The following SIM2 variants were observed in gnomAD, a reference collection of about 807,000 sequenced individuals.
SIM2 encodes the protein SIM bHLH transcription factor 2.
A neutral mutation model predicts 64.8 loss-of-function variants in SIM2; 28 were observed. The observed-to-expected ratio is 0.43, with a 90% CI of 0.32 to 0.59. SIM2 has a LOEUF of 0.59. Among genes scored for constraint, SIM2 ranks in the 20% least tolerant of loss-of-function variants. The pLI is 0.07. For missense variants in SIM2, 847 were observed against 871.4 expected, an observed-to-expected ratio of 0.97 and a Z score of 0.35; for synonymous variants, 408 against 391.1, an observed-to-expected ratio of 1.04 and a Z score of -0.51.
chr21:36,708,676 G>A (rs867500797), intron 1 of SIM2, among the ~76,000 whole-genome samples: 2 of 152,208 alleles, frequency 1.3e-5, no homozygotes, highest in African/African-American at 4.8e-5. Flanking sequence ...CCTGGGCGGC[G>A]GGGACTTTCT....
intron 6 of SIM2, among the ~76,000 whole-genome samples, chr21:36,728,801 A>G (rs2088928128): frequency 6.6e-6 from 1 of 152,226 alleles, no homozygotes; most frequent in South Asian, 2.1e-4. Context: ...AAGCCAGACG[A>G]GGGCTTTGCC....
At chr21:36,732,425 G>A (rs1320657054) in intron 7 of SIM2, among the ~76,000 whole-genome samples, 2 of 152,208 alleles carry the variant, frequency 1.3e-5, no homozygotes, top group African/African-American at 4.8e-5. Flanking sequence ...AGTGGGAGGG[G>A]GACGGCAGGC....
At position 36,747,681 on chromosome 21, in the gene SIM2, G is replaced by A. The variant is rs1460693567; in HGVS notation, c.1593G>A (p.Val531=). Residue 531 remains valine, a synonymous_variant, in exon 11 of 11, where the codon GTG becomes GTA. Transcript: ENST00000290399. This position sits in a 1 kb window ranked among gnomAD's most constrained non-coding sequence, Gnocchi z 4.5. Reference sequence around the variant, plus strand: ...TCCCCGCAGCGCCCGCCGCCGCCGTGCGCAGGTTCGGCGAGGACACCGCGC... The same window carrying A: ...TCCCCGCAGCGCCCGCCGCCGCCGTACGCAGGTTCGGCGAGGACACCGCGC... The part of the protein sequence containing the change: ...VPSYEAPAAA[V]RRFGEDTAPP... 3.2e-6 allele frequency: 4 copies of A among 1,269,800 alleles called. No homozygotes were observed. In the East Asian group the frequency reaches 1.0e-4, roughly 32 times the overall value. 78.7% of individuals were successfully genotyped at this position (1,269,800 alleles called of 1,614,324 possible).
At chr21:36,730,672 G>A (rs1021995236) in intron 6 of SIM2, among the ~76,000 whole-genome samples, 7 of 152,160 alleles carry the variant, frequency 4.6e-5, no homozygotes, top group East Asian at 3.8e-4. Flanking sequence ...ACACAGGACC[G>A]TCCCCCCGAA....
rs1486029361 is a variant in SIM2 at position 36,749,474 on chromosome 21, C to G, written c.*1382C>G. 1 of 147,692 alleles carries G rather than the reference C, an allele frequency of 6.8e-6. No individual in the cohort carries two copies. Among genetic ancestry groups the G allele is most frequent in the African/African-American group, 2.5e-5 (1 of 39,578 alleles). The allele number at this position is 147,692 out of a possible 1,614,324, so 9.1% of individuals were successfully genotyped here. ...TTTTTTTTTTTTTTTTTTGCCAACC[C>G]TGTGTCACTTAGTGAGGACCTGACA... On this transcript the variant is annotated 3_prime_UTR_variant, in exon 11 of 11. Transcript: ENST00000290399.
At chr21:36,704,865 A>G (rs1009618307) in intron 1 of SIM2, among the ~76,000 whole-genome samples, 1 of 152,124 alleles carries the variant, frequency 6.6e-6, no homozygotes, top group African/African-American at 2.4e-5. Context: ...CCCGGTCCCC[A>G]GTTTGGAAAA....
chr21:36,719,961 A>G (rs2088802139), intron 4 of SIM2, 32 bp downstream of exon 4: 2 of 1,395,934 alleles, frequency 1.4e-6, no homozygotes, highest in South Asian at 2.3e-5. Context: ...AAAAAAACAG[A>G]CTAAAAGCAA....
chr21:36,732,179 A>G (rs1473614641), intron 7 of SIM2, among the ~76,000 whole-genome samples: 1 of 152,232 alleles, frequency 6.6e-6, no homozygotes, highest in African/African-American at 2.4e-5. Context: ...CACCGCACCC[A>G]GCCACACACT....
Position 36,747,359 on chromosome 21 carries a change from A to C in SIM2, c.1577-306A>C, listed in dbSNP as rs1027535470. ...TCTCAGGACCAAAAAAAAAAAAAAGAAAATATCCCAATAATTGTTTCACAC... is the reference window on the plus strand; with the variant it reads ...TCTCAGGACCAAAAAAAAAAAAAAGCAAATATCCCAATAATTGTTTCACAC... On this transcript the variant is annotated intron_variant, in intron 10 of 10. Transcript: ENST00000290399. The surrounding 1 kb of genome is among the most constrained non-coding windows in gnomAD (Gnocchi z 4.5). 6.6e-6 allele frequency among the ~76,000 whole-genome samples: 1 copy of C among 151,974 alleles called. No individual in the cohort carries two copies. Among genetic ancestry groups the C allele is most frequent in the South Asian group, 2.1e-4 (1 of 4,814 alleles).
intron 1 of SIM2, 125 bp downstream of exon 1, chr21:36,700,046 G>A: frequency 1.9e-6 from 2 of 1,033,246 alleles, no homozygotes; most frequent in South Asian, 3.2e-5. Flanking sequence ...GGGCGTCTGA[G>A]GGAGGTTGCG....
rs775230546 is a variant in SIM2 at position 36,726,079 on chromosome 21, C to T, written c.544-40C>T. The stretch of plus-strand genomic sequence containing the variant: ...CAGGAGGAGTGGGCTCCAGCCCAAC[C>T]CCAGTGGCCAGTGGCTGACCCTGCC... On this transcript the variant is annotated intron_variant, in intron 5 of 10. Coordinates refer to ENST00000290399, the MANE Select transcript of SIM2 (RefSeq NM_005069.6). The surrounding 1 kb of genome is among the most constrained non-coding windows in gnomAD (Gnocchi z 4.5). 6 of 1,565,248 alleles carry T rather than the reference C, an allele frequency of 3.8e-6. No individual in the cohort carries two copies. The highest frequency in any genetic ancestry group is 5.3e-6 in the Non-Finnish European group (6 of 1,140,386).
At position 36,723,697 on chromosome 21, in the gene SIM2, C is replaced by T. The variant is rs763240883; in HGVS notation, c.543+567C>T. Reference sequence around the variant, plus strand: ...TTCTAGTCAAGGACCAGAGGAGGGACGGCAGAAGGGGCTTGGTGGCGGAGC... The same window carrying T: ...TTCTAGTCAAGGACCAGAGGAGGGATGGCAGAAGGGGCTTGGTGGCGGAGC... On this transcript the variant is annotated intron_variant, in intron 5 of 10. Transcript: ENST00000290399. Among the ~76,000 whole-genome samples the T allele has an allele frequency of 7.7e-4, 118 of 152,322 alleles. 1 individual carries two copies. Among genetic ancestry groups the T allele is most frequent in the Non-Finnish European group, 1.5e-3 (103 of 68,038 alleles).
At chr21:36,744,446 GAA>G (rs1305083991) in intron 9 of SIM2, among the ~76,000 whole-genome samples, 1 of 145,558 alleles carries the variant, frequency 6.9e-6, no homozygotes, top group Admixed American at 6.9e-5. Context: ...AACAAAGAAA[GAA>G]AGAGAAAGAA....
Position 36,741,646 on chromosome 21 carries a change from C to T in SIM2, c.851-71C>T, listed in dbSNP as rs913953064. ...AGAGGTGTCCTTGGGACAGAGGTCA[C>T]CGTTGGGGGCAGCATCCCAGAGGTG... On this transcript the variant is annotated intron_variant, in intron 7 of 10. Coordinates refer to ENST00000290399, the MANE Select transcript of SIM2 (RefSeq NM_005069.6). The T allele has an allele frequency of 3.8e-5, 60 of 1,562,194 alleles. No individual in the cohort carries two copies. The Admixed American group carries it at 4.6e-4, about 12-fold the overall frequency.
intron 7 of SIM2, among the ~76,000 whole-genome samples, chr21:36,740,298 G>T (rs2089144900): frequency 6.6e-6 from 1 of 152,114 alleles, no homozygotes. Flanking sequence ...GGACTCTGTG[G>T]ATGTGCCTAT....
At chr21:36,714,365 T>C (rs553231440) in intron 3 of SIM2, among the ~76,000 whole-genome samples, 24 of 152,344 alleles carry the variant, frequency 1.6e-4, no homozygotes, top group African/African-American at 5.3e-4. Context: ...TAAATTTAGA[T>C]CTGAGCTCCC....
intron 5 of SIM2, 63 bp downstream of exon 5, chr21:36,723,193 G>C (rs2088847490): frequency 7.2e-7 from 1 of 1,379,588 alleles, no homozygotes; most frequent in Non-Finnish European, 1.0e-6. Flanking sequence ...GTTTTCAAGA[G>C]CGTCTGCAGA....
intron 4 of SIM2, chr21:36,720,148 C>T: frequency 1.8e-6 from 1 of 553,208 alleles, no homozygotes; most frequent in African/African-American, 1.9e-5. Context: ...TATTGTTGGC[C>T]AGAACCCGTG....
chr21:36,704,260 T>C (rs778539233), intron 1 of SIM2, among the ~76,000 whole-genome samples: 1 of 152,218 alleles, frequency 6.6e-6, no homozygotes, highest in Non-Finnish European at 1.5e-5. Flanking sequence ...GCGACTTGAT[T>C]TGGAGAGTTG....
Sources: gnomAD v4.1 joint callset for allele counts (sites outside exome capture counted in the v4.1 genomes callset) on GRCh38, gnomAD v4.1.1 for gene constraint, Gnocchi (gnomAD v3.1) non-coding constraint, MANE v1.5 for transcripts, NCBI Gene and HGNC (gene_info 2026-07-23, HGNC 2026-07-21) for gene names.